The following PARVB variants were observed in gnomAD, a reference collection of about 807,000 sequenced individuals.
PARVB encodes parvin beta, also known as beta-parvin.
Under a neutral mutation model 47.0 loss-of-function variants are expected in PARVB, and 46 were observed. The observed-to-expected ratio is 0.98, with a 90% CI of 0.77 to 1.25. The LOEUF is 1.25. Ranked by LOEUF, PARVB falls within the 50% of genes most tolerant of loss-of-function variation. The pLI is 0.00. For missense variants in PARVB, 473 were observed against 471.6 expected, an observed-to-expected ratio of 1.00 and a Z score of -0.03; for synonymous variants, 196 against 196.3, an observed-to-expected ratio of 1.00 and a Z score of 0.01.
chr22:44,140,926 C>T (rs960818933), intron 8 of PARVB: 23 of 184,134 alleles, frequency 1.2e-4, no homozygotes, highest in South Asian at 6.2e-4. Context: ...CCCCGGCCCT[C>T]GGCCTGGCCA....
chr22:44,052,423 A>G (rs1267743098), intron 1 of PARVB, among the ~76,000 whole-genome samples: 2 of 152,186 alleles, frequency 1.3e-5, no homozygotes, highest in Non-Finnish European at 1.5e-5. Flanking sequence ...TGTTCCTGAT[A>G]TCACCCCAGT....
intron 4 of PARVB, among the ~76,000 whole-genome samples, chr22:44,122,379 A>G (rs1171997755): frequency 6.6e-6 from 1 of 152,024 alleles, no homozygotes; most frequent in East Asian, 1.9e-4. Flanking sequence ...CCAGCTGCTC[A>G]GGAGGCTGAG....
chr22:44,050,975 C>T (rs1569076949), intron 1 of PARVB, among the ~76,000 whole-genome samples: 1 of 152,160 alleles, frequency 6.6e-6, no homozygotes, highest in African/African-American at 2.4e-5. Context: ...CTGCCTGTGC[C>T]ACAGGGACAC....
intron 10 of PARVB, 143 bp from the exon 11 acceptor site, chr22:44,157,839 G>T (rs545133340): frequency 9.9e-6 from 6 of 604,700 alleles, no homozygotes; most frequent in Non-Finnish European, 1.8e-5. Context: ...GCTGCAGTGA[G>T]CCTTGATTGC....
At chr22:44,003,817 C>G (rs1026651483) in intron 2 of PARVB, among the ~76,000 whole-genome samples, 11 of 152,174 alleles carry the variant, frequency 7.2e-5, no homozygotes, top group Non-Finnish European at 1.5e-4. Flanking sequence ...TGGCAACTGC[C>G]GTCAGGTTTA....
intron 2 of PARVB, among the ~76,000 whole-genome samples, chr22:44,014,232 G>A (rs2050554230): frequency 6.6e-6 from 1 of 152,166 alleles, no homozygotes; most frequent in Non-Finnish European, 1.5e-5. Flanking sequence ...AGGCAAGAGT[G>A]TGGGTAAGGG....
At chr22:44,054,408 G>T (rs1036860103) in intron 1 of PARVB, among the ~76,000 whole-genome samples, 1 of 152,094 alleles carries the variant, frequency 6.6e-6, no homozygotes, top group Non-Finnish European at 1.5e-5. Flanking sequence ...TAAACACAAG[G>T]TCTTGCTATG....
Position 44,151,503 on chromosome 22 carries a change from C to T in PARVB, c.795C>T (p.Asn265=). 1 of 1,613,858 alleles carries T rather than the reference C, an allele frequency of 6.2e-7. No homozygotes were observed. The highest frequency in any genetic ancestry group is 1.7e-5 in the Admixed American group (1 of 60,012). ...GGCAGTCTCTCATCACTTTTGTGAA[C>T]AAGCACCTGAACAAGCTGAATTTGG... ...VVKKSLITFV[N]KHLNKLNLEV... is the part of the protein sequence containing the mutation. The change falls in exon 10 of 13, where the codon AAC becomes AAT. Residue 265 remains asparagine, a synonymous_variant. Transcript: ENST00000338758.
chr22:44,138,541 C>T (rs532226379), intron 7 of PARVB, among the ~76,000 whole-genome samples: 47 of 152,254 alleles, frequency 3.1e-4, no homozygotes, highest in African/African-American at 9.9e-4. Context: ...CCCGTGGCTG[C>T]GGAGGCTCTG....
intron 8 of PARVB, chr22:44,146,180 GCA>G (rs1192131665): frequency 2.1e-5 from 2 of 96,148 alleles, no homozygotes; most frequent in Non-Finnish European, 2.2e-5. Context: ...CGCTCACACC[GCA>G]CACACGCACA....
chr22:44,022,461 C>G (rs1409445508), upstream of PARVB, among the ~76,000 whole-genome samples: 1 of 152,170 alleles, frequency 6.6e-6, no homozygotes, highest in Non-Finnish European at 1.5e-5. Flanking sequence ...GTCCTGTGCC[C>G]ACGTTCTCCT....
intron 8 of PARVB, chr22:44,140,536 G>A (rs756873470): frequency 3.6e-6 from 2 of 553,510 alleles, no homozygotes; most frequent in African/African-American, 3.7e-5. Context: ...GCTCAGCTCT[G>A]TGGATGTCCT....
At chr22:44,054,405 A>G (rs2051265540) in intron 1 of PARVB, among the ~76,000 whole-genome samples, 1 of 152,066 alleles carries the variant, frequency 6.6e-6, no homozygotes, top group Non-Finnish European at 1.5e-5. Context: ...TTGTAAACAC[A>G]AGGTCTTGCT....
intron 1 of PARVB, among the ~76,000 whole-genome samples, chr22:44,074,428 A>G (rs565860625): frequency 1.3e-5 from 2 of 152,316 alleles, no homozygotes; most frequent in African/African-American, 4.8e-5. Flanking sequence ...CCATCCCTGC[A>G]TGGCCCCGCT....
In PARVB at chr22:44,163,935, T is replaced by C. The variant is rs1569165782; in HGVS notation, c.1018+5T>C. 6.2e-7 allele frequency: 1 copy of C among 1,606,658 alleles called. No individual in the cohort carries two copies. Among genetic ancestry groups the C allele is most frequent in the Non-Finnish European group, 8.5e-7 (1 of 1,176,198 alleles). ...AACCCAAGGCTCGTCCTGAAGGTAA[T>C]GCCCCTGGCTCAGGTTCCCCCGGGA... On this transcript the variant is annotated splice_donor_5th_base_variant and intron_variant, in intron 12 of 12. Coordinates refer to ENST00000338758, the MANE Select transcript of PARVB (RefSeq NM_013327.5).
At chr22:44,051,151 C>T (rs1001364054) in intron 1 of PARVB, among the ~76,000 whole-genome samples, 4 of 152,140 alleles carry the variant, frequency 2.6e-5, no homozygotes, top group African/African-American at 9.7e-5. Context: ...GTTAGGCAGC[C>T]GTAAAAATCC....
chr22:44,111,602 C>T (rs1056638270), intron 3 of PARVB: 1 of 151,258 alleles, frequency 6.6e-6, no homozygotes, highest in Non-Finnish European at 1.5e-5. Context: ...GTGCACTGCC[C>T]CACCTGGCTA....
intron 3 of PARVB, chr22:44,107,633 G>T (rs902503927): frequency 5.9e-5 from 9 of 152,202 alleles, no homozygotes; most frequent in African/African-American, 1.9e-4. Context: ...CAGCCTCTGG[G>T]TGGGGTGGAG....
intron 4 of PARVB, among the ~76,000 whole-genome samples, chr22:44,130,175 C>T (rs1165174303): frequency 1.3e-5 from 2 of 152,166 alleles, no homozygotes; most frequent in African/African-American, 2.4e-5. Context: ...ATGTCAATGC[C>T]GCGTCACTGA....
Sources: allele counts gnomAD v4.1 joint callset (sites outside exome capture counted in the v4.1 genomes callset), GRCh38; gene constraint gnomAD v4.1.1; transcripts MANE v1.5; gene names NCBI Gene and HGNC (gene_info 2026-07-23, HGNC 2026-07-21).